RBFOX1: variants seen among roughly 807,000 people sequenced by gnomAD.
RBFOX1 encodes the protein RNA binding fox-1 homolog 1.
RBFOX1 carries 8 observed loss-of-function variants against 57.7 expected under a neutral mutation model. The observed-to-expected ratio is 0.14, with a 90% CI of 0.08 to 0.25. The LOEUF is 0.25. Ranked by LOEUF, RBFOX1 falls within the 10% of genes least tolerant of loss-of-function variation. The probability of loss-of-function intolerance (pLI) is 1.00; values close to 1 mark genes in which losing one functional copy is unlikely to be tolerated. For missense variants in RBFOX1, 611 were observed against 548.5 expected (o/e 1.11, Z -1.14); for synonymous variants, 326 against 222.4 (o/e 1.47, Z -4.15).
At chr16:5,902,079 T>A (rs536223129) in intron 4 of RBFOX1, among the ~76,000 whole-genome samples, 1 of 152,230 alleles carries the variant, frequency 6.6e-6, no homozygotes, top group Non-Finnish European at 1.5e-5. Flanking sequence ...AATGAATTAA[T>A]CATATTCCCT....
intron 2 of RBFOX1, among the ~76,000 whole-genome samples, chr16:6,454,381 A>G (rs981033796): frequency 6.6e-6 from 1 of 152,074 alleles, no homozygotes; most frequent in Non-Finnish European, 1.5e-5. Flanking sequence ...ACATAGCAGA[A>G]CCATATCTCT....
chr16:6,331,962 A>G (rs2083089943), intron 2 of RBFOX1, among the ~76,000 whole-genome samples: 1 of 152,096 alleles, frequency 6.6e-6, no homozygotes, highest in Admixed American at 6.6e-5. Context: ...TGACATTCTT[A>G]ATAGTTCTGT....
intron 1 of RBFOX1, among the ~76,000 whole-genome samples, chr16:6,102,213 T>G (rs564318977): frequency 4.0e-5 from 6 of 151,318 alleles, no homozygotes; most frequent in African/African-American, 1.2e-4. Flanking sequence ...AGAAATGCAT[T>G]TAGTGGAAAC....
At chr16:6,844,451 G>C (rs556242194) in intron 3 of RBFOX1, among the ~76,000 whole-genome samples, 2 of 152,070 alleles carry the variant, frequency 1.3e-5, no homozygotes, top group Non-Finnish European at 2.9e-5. Context: ...GTGGTGTTTG[G>C]TTTTCTGTTC....
intron 2 of RBFOX1, among the ~76,000 whole-genome samples, chr16:6,503,559 T>G (rs1388237019): frequency 1.3e-5 from 2 of 152,214 alleles, no homozygotes; most frequent in Non-Finnish European, 1.5e-5. Context: ...ACATACTTGG[T>G]GATTTGCTGG....
intron 4 of RBFOX1, among the ~76,000 whole-genome samples, chr16:7,156,622 C>T (rs1051110389): frequency 4.6e-5 from 7 of 151,986 alleles, no homozygotes; most frequent in Admixed American, 6.6e-5. Flanking sequence ...TATGTATATA[C>T]ATATGCTGGA....
chr16:5,946,750 C>T lies in RBFOX1; in HGVS notation c.351+79415C>T, dbSNP rs2059407959. Among the ~76,000 whole-genome samples, 1 of 152,086 alleles carries T rather than the reference C, an allele frequency of 6.6e-6. No individual in the cohort carries two copies. The highest frequency in any genetic ancestry group is 2.1e-4 in the South Asian group (1 of 4,816). ...TGGGGCCAGTCTTGTGGGACTGGGC[C>T]CTCAACCTGTGGAATCTGATTCTAA... On this transcript the variant is annotated intron_variant, in intron 4 of 19. Coordinates refer to the RBFOX1 transcript ENST00000641259. This position sits in a 1 kb window ranked among gnomAD's most constrained non-coding sequence, Gnocchi z 4.6.
intron 1 of RBFOX1, among the ~76,000 whole-genome samples, chr16:6,151,025 A>G (rs758179355): frequency 6.6e-6 from 1 of 152,114 alleles, no homozygotes; most frequent in Admixed American, 6.5e-5. Context: ...CAGATTCAGA[A>G]AGGAGAATCT....
intron 2 of RBFOX1, among the ~76,000 whole-genome samples, chr16:5,509,190 A>C (rs1400049204): frequency 6.6e-6 from 1 of 152,222 alleles, no homozygotes; most frequent in Non-Finnish European, 1.5e-5. Flanking sequence ...TGATGCCCAC[A>C]TGCAGGGTGG....
chr16:7,088,015 T>C lies in RBFOX1; in HGVS notation c.27+35917T>C, dbSNP rs1252803993. ...TGATTATACTTGTGGCAGAATAATC[T>C]TGCACTGGTATAGTACATGTGCTCG... On this transcript the variant is annotated intron_variant, in intron 4 of 15. Transcript: ENST00000550418. Among the ~76,000 whole-genome samples the C allele has an allele frequency of 2.0e-5, 3 of 152,344 alleles. No homozygotes were observed. The East Asian group carries it at 5.8e-4, about 29-fold the overall frequency.
At chr16:6,916,837 T>C (rs562481146) in intron 3 of RBFOX1, among the ~76,000 whole-genome samples, 1 of 152,250 alleles carries the variant, frequency 6.6e-6, no homozygotes, top group East Asian at 1.9e-4. Flanking sequence ...CTTGTTTTTT[T>C]ATTTGTTTGT....
At chr16:6,957,732 C>G (rs758161429) in intron 3 of RBFOX1, among the ~76,000 whole-genome samples, 2 of 152,138 alleles carry the variant, frequency 1.3e-5, no homozygotes, top group Admixed American at 6.5e-5. Context: ...TACCCAGCCC[C>G]TATTGAAGAT....
At chr16:7,554,065 G>A (rs1394390048) in intron 5 of RBFOX1, among the ~76,000 whole-genome samples, 1 of 152,076 alleles carries the variant, frequency 6.6e-6, no homozygotes, top group Non-Finnish European at 1.5e-5. Flanking sequence ...ACTATGATCG[G>A]AACACTGCAC....
intron 7 of RBFOX1, among the ~76,000 whole-genome samples, chr16:7,594,724 T>G (rs904449797): frequency 6.6e-6 from 1 of 152,200 alleles, no homozygotes; most frequent in Admixed American, 6.6e-5. Flanking sequence ...CCTGTTGATA[T>G]GAAAAATAAA....
intron 3 of RBFOX1, among the ~76,000 whole-genome samples, chr16:6,761,500 C>CCTTT (rs2076587949): frequency 1.7e-5 from 1 of 60,128 alleles, no homozygotes; most frequent in Non-Finnish European, 2.8e-5. Flanking sequence ...TCCCAATCTC[C>CCTTT]TTTTTTTTTT....
At chr16:6,114,477 C>T (rs10500331) in intron 1 of RBFOX1, among the ~76,000 whole-genome samples, 23,305 of 152,092 alleles carry the variant, frequency 0.15, 1,923 homozygotes, top group Admixed American at 0.26. Context: ...TATAAAAAGG[C>T]AATAGTTGCT....
At chr16:6,692,664 T>A (rs1366728171) in intron 3 of RBFOX1, among the ~76,000 whole-genome samples, 1 of 152,056 alleles carries the variant, frequency 6.6e-6, no homozygotes, top group East Asian at 1.9e-4. Context: ...TTCTTCCACC[T>A]GAATGTGTTT....
At chr16:5,631,111 A>T (rs1169893726) in intron 3 of RBFOX1, among the ~76,000 whole-genome samples, 1 of 152,216 alleles carries the variant, frequency 6.6e-6, no homozygotes, top group African/African-American at 2.4e-5. Context: ...CTACATTTGA[A>T]ACAATCTAAA....
At chr16:6,779,642 A>G (rs905447650) in intron 3 of RBFOX1, among the ~76,000 whole-genome samples, 2 of 143,936 alleles carry the variant, frequency 1.4e-5, no homozygotes, top group Non-Finnish European at 3.0e-5. Flanking sequence ...ATAGTATACA[A>G]GGGTTCCCTC....
Sources: gnomAD v4.1 joint callset for allele counts (sites outside exome capture counted in the v4.1 genomes callset) on GRCh38, gnomAD v4.1.1 for gene constraint, Gnocchi (gnomAD v3.1) non-coding constraint, MANE v1.5 for transcripts, NCBI Gene and HGNC (gene_info 2026-07-23, HGNC 2026-07-21) for gene names.